The following BCAR3 variants were observed in gnomAD, a reference collection of about 807,000 sequenced individuals.
BCAR3 encodes the protein breast cancer anti-estrogen resistance protein 3.
In BCAR3, 37 loss-of-function variants were observed where a neutral mutation model predicts 80.1. That is an observed-to-expected ratio of 0.46 (90% CI 0.36 to 0.61). The LOEUF (loss-of-function observed/expected upper bound fraction) is 0.61. BCAR3 is among the 20% of genes least tolerant of loss of function. BCAR3 has a pLI of 0.00. For missense variants in BCAR3, 978 were observed against 1,068.2 expected, an observed-to-expected ratio of 0.92 and a Z score of 1.18; for synonymous variants, 389 against 418.9, an observed-to-expected ratio of 0.93 and a Z score of 0.87.
intron 2 of BCAR3, among the ~76,000 whole-genome samples, chr1:93,734,237 T>C (rs977196227): frequency 6.6e-6 from 1 of 152,266 alleles, no homozygotes; most frequent in African/African-American, 2.4e-5. Flanking sequence ...CATAATCATG[T>C]CAACTAGAAG....
In BCAR3 at chr1:93,681,662, G is replaced by A. The variant is rs1345650615; in HGVS notation, c.-76C>T. 1.3e-5 allele frequency: 2 copies of A among 151,778 alleles called. No homozygotes were observed. The highest frequency in any genetic ancestry group is 2.1e-4 in the South Asian group (1 of 4,822). The allele number at this position is 151,778 out of a possible 1,614,324, so 9.4% of individuals were successfully genotyped here. A position where few individuals can be genotyped will look rare whatever the true frequency, so the allele number is the denominator to read the frequency against. On this transcript the variant is annotated 5_prime_UTR_variant, in exon 1 of 12. Transcript: ENST00000260502. Reference sequence around the variant, plus strand: ...CTGGACCTCCGGCTGGGGCTCAAAGGCGCCGCGCGGCCGGCCTCGCACCGC... The same window carrying A: ...CTGGACCTCCGGCTGGGGCTCAAAGACGCCGCGCGGCCGGCCTCGCACCGC...
intron 2 of BCAR3, among the ~76,000 whole-genome samples, chr1:93,666,903 G>T (rs1571024388): frequency 6.6e-6 from 1 of 152,116 alleles, no homozygotes; most frequent in South Asian, 2.1e-4. Context: ...GTCATTGAAC[G>T]TGATCTCAGG....
At chr1:93,809,987 G>T (rs1248620619) in intron 2 of BCAR3, among the ~76,000 whole-genome samples, 1 of 151,808 alleles carries the variant, frequency 6.6e-6, no homozygotes, top group Non-Finnish European at 1.5e-5. Context: ...GATCACCTGA[G>T]GTCAGGAGTT....
rs1672684551 is a variant in BCAR3 at position 93,561,814 on chromosome 1, T to A, written c.*427A>T. 1 of 153,486 alleles carries A rather than the reference T, an allele frequency of 6.5e-6. No individual in the cohort carries two copies. The highest frequency in any genetic ancestry group is 2.4e-5 in the African/African-American group (1 of 41,474). The allele number at this position is 153,486 out of a possible 1,614,324, so 9.5% of individuals were successfully genotyped here. A position where few individuals can be genotyped will look rare whatever the true frequency, so the allele number is the denominator to read the frequency against. ...TGTTTCACAAAAAGATGTATTTTCA[T>A]TCATGAGTATTTACATTTTTCATAT... On this transcript the variant is annotated 3_prime_UTR_variant, in exon 12 of 12. Transcript: ENST00000260502.
intron 2 of BCAR3, among the ~76,000 whole-genome samples, chr1:93,810,568 A>G (rs1653807412): frequency 6.6e-6 from 1 of 152,176 alleles, no homozygotes; most frequent in Non-Finnish European, 1.5e-5. Context: ...TCCCTGCAGC[A>G]TCATCCTTCT....
chr1:93,811,551 T>C (rs925887073), intron 2 of BCAR3, among the ~76,000 whole-genome samples: 1 of 152,228 alleles, frequency 6.6e-6, no homozygotes, highest in Non-Finnish European at 1.5e-5. Flanking sequence ...TTCTCTATTA[T>C]GTAAAATAAT....
intron 3 of BCAR3, among the ~76,000 whole-genome samples, chr1:93,607,932 T>C (rs1674826110): frequency 6.6e-6 from 1 of 152,182 alleles, no homozygotes; most frequent in Non-Finnish European, 1.5e-5. Context: ...TGTTCACCTC[T>C]GTCTTCCCCC....
At chr1:93,758,082 G>A (rs1368969989) in intron 2 of BCAR3, among the ~76,000 whole-genome samples, 1 of 152,138 alleles carries the variant, frequency 6.6e-6, no homozygotes, top group African/African-American at 2.4e-5. Context: ...GTAACTTTTG[G>A]GAGGCAGCTC....
intron 1 of BCAR3, chr1:93,681,217 G>A (rs6675484): frequency 0.29 from 43,383 of 152,160 alleles, 9,032 homozygotes; most frequent in African/African-American, 0.6. Context: ...GGGACAGGGC[G>A]GGGTGGCCGG....
At chr1:93,678,708 G>A (rs1648610158) in intron 1 of BCAR3, among the ~76,000 whole-genome samples, 1 of 152,160 alleles carries the variant, frequency 6.6e-6, no homozygotes, top group South Asian at 2.1e-4. Context: ...TGTTGCGGGT[G>A]GAGAGCTACT....
At chr1:93,579,986 C>T (rs1227005489) in intron 7 of BCAR3, among the ~76,000 whole-genome samples, 1 of 152,242 alleles carries the variant, frequency 6.6e-6, no homozygotes, top group Non-Finnish European at 1.5e-5. Context: ...TGCCCGAGGC[C>T]ATCTGGCCAA....
At chr1:93,566,713 G>A (rs916350245) in intron 11 of BCAR3, among the ~76,000 whole-genome samples, 4 of 152,152 alleles carry the variant, frequency 2.6e-5, no homozygotes, top group African/African-American at 9.7e-5. Context: ...ACCTATTAGA[G>A]GTACTATTAA....
intron 3 of BCAR3, among the ~76,000 whole-genome samples, chr1:93,611,260 C>T (rs1274846578): frequency 6.6e-6 from 1 of 152,114 alleles, no homozygotes; most frequent in Admixed American, 6.5e-5. Flanking sequence ...GGAACCATGC[C>T]TCAAATCTCA....
chr1:93,832,679 T>G (rs539188589), intron 2 of BCAR3, among the ~76,000 whole-genome samples: 5 of 152,284 alleles, frequency 3.3e-5, no homozygotes, highest in Non-Finnish European at 7.3e-5. Context: ...GTGTTTCCCT[T>G]GCCTCCATAA....
intron 3 of BCAR3, among the ~76,000 whole-genome samples, chr1:93,703,027 G>A (rs1269103130): frequency 1.3e-5 from 2 of 152,170 alleles, no homozygotes; most frequent in Non-Finnish European, 2.9e-5. Flanking sequence ...ACCGCGGCCT[G>A]TGCTAGGCAG....
At chr1:93,752,617 G>A (rs900857588) in intron 2 of BCAR3, among the ~76,000 whole-genome samples, 4 of 152,232 alleles carry the variant, frequency 2.6e-5, no homozygotes, top group African/African-American at 4.8e-5. Flanking sequence ...CGGTATCATT[G>A]CTCTCATTTG....
chr1:93,687,065 G>A (rs1161032028), intron 3 of BCAR3, among the ~76,000 whole-genome samples: 1 of 152,154 alleles, frequency 6.6e-6, no homozygotes, highest in African/African-American at 2.4e-5. Flanking sequence ...TTGCTCTATA[G>A]ACTCTAAGAT....
chr1:93,738,754 C>G (rs1651077208), intron 2 of BCAR3, among the ~76,000 whole-genome samples: 3 of 152,102 alleles, frequency 2.0e-5, no homozygotes, highest in African/African-American at 7.2e-5. Context: ...TCAGCCAAGA[C>G]AGGGTGGGGC....
chr1:93,836,634 T>C (rs1334137008), intron 2 of BCAR3, among the ~76,000 whole-genome samples: 1 of 152,070 alleles, frequency 6.6e-6, no homozygotes, highest in African/African-American at 2.4e-5. Context: ...CCCAACACTT[T>C]ACCACTATTT....
Sources: allele counts gnomAD v4.1 joint callset (sites outside exome capture counted in the v4.1 genomes callset), GRCh38; gene constraint gnomAD v4.1.1; transcripts MANE v1.5; gene names NCBI Gene and HGNC (gene_info 2026-07-23, HGNC 2026-07-21).